ESRRG: variants seen among roughly 807,000 people sequenced by gnomAD.
The protein encoded by ESRRG is estrogen related receptor gamma, also known as estrogen-related receptor gamma.
In ESRRG, 13 loss-of-function variants were observed where a neutral mutation model predicts 44.0. The ratio of observed to expected loss-of-function variants is 0.30; its 90% CI spans 0.19 to 0.47. The LOEUF is 0.47. Ranked by LOEUF, ESRRG falls within the 20% of genes least tolerant of loss-of-function variation. ESRRG has a pLI of 1.00. For missense variants in ESRRG, 395 were observed against 580.6 expected (o/e 0.68, Z 3.29); for synonymous variants, 215 against 214.6 (o/e 1.00, Z -0.02).
chr1:216,507,738 A>G (rs2041583766), intron 6 of ESRRG, among the ~76,000 whole-genome samples: 1 of 152,198 alleles, frequency 6.6e-6, no homozygotes. Context: ...AGGATGTTTA[A>G]TGTTCTAGTA....
chr1:216,728,041 T>A (rs1575822515), upstream of ESRRG, among the ~76,000 whole-genome samples: 1 of 152,330 alleles, frequency 6.6e-6, no homozygotes, highest in South Asian at 2.1e-4. Flanking sequence ...AATTATAAAC[T>A]ACAGTAGCTC....
At chr1:217,008,569 T>A (rs1470011481) in intron 1 of ESRRG, among the ~76,000 whole-genome samples, 1 of 152,188 alleles carries the variant, frequency 6.6e-6, no homozygotes, top group Non-Finnish European at 1.5e-5. Flanking sequence ...TGAGAACTCT[T>A]GGAGTAGAGA....
intron 3 of ESRRG, among the ~76,000 whole-genome samples, chr1:216,583,838 G>A: frequency 6.6e-6 from 1 of 152,156 alleles, no homozygotes; most frequent in Non-Finnish European, 1.5e-5. Flanking sequence ...ATGGCAGCAG[G>A]CAAAGAGAGA....
intron 3 of ESRRG, among the ~76,000 whole-genome samples, chr1:216,581,635 AAG>A (rs112365344): frequency 4.0e-5 from 6 of 150,162 alleles, no homozygotes; most frequent in African/African-American, 4.9e-5. Flanking sequence ...TGTTTAAATA[AAG>A]AGAGAGAGAG....
chr1:217,011,168 C>T lies in ESRRG; in HGVS notation c.-105-71495G>A, dbSNP rs114365203. Among the ~76,000 whole-genome samples, 767 of 152,258 alleles carry T rather than the reference C, an allele frequency of 5.0e-3. 8 individuals carry two copies. The highest frequency in any genetic ancestry group is 0.017 in the African/African-American group (721 of 41,540). ...TTATAAATAACTCATTTCCCAGCTGCGTACACACTCTACAGAAAAAATGAC... is the reference window on the plus strand; with the variant it reads ...TTATAAATAACTCATTTCCCAGCTGTGTACACACTCTACAGAAAAAATGAC... On this transcript the variant is annotated intron_variant, in intron 1 of 7. Transcript: ENST00000359162.
At chr1:217,100,155 A>G (rs2092488122) in intron 1 of ESRRG, among the ~76,000 whole-genome samples, 1 of 152,234 alleles carries the variant, frequency 6.6e-6, no homozygotes, top group Non-Finnish European at 1.5e-5. Flanking sequence ...CATTCTGGGA[A>G]TTCCTCTTTT....
chr1:216,559,915 G>T (rs2058383466), intron 5 of ESRRG, among the ~76,000 whole-genome samples: 1 of 152,096 alleles, frequency 6.6e-6, no homozygotes, highest in Non-Finnish European at 1.5e-5. Flanking sequence ...TACCCTAAAT[G>T]TAGAAACAGT....
At chr1:216,611,811 G>A (rs923686152) in intron 3 of ESRRG, among the ~76,000 whole-genome samples, 3 of 152,124 alleles carry the variant, frequency 2.0e-5, no homozygotes, top group Non-Finnish European at 2.9e-5. Flanking sequence ...TTCTTCCTGA[G>A]GATTCACAAA....
intron 2 of ESRRG, among the ~76,000 whole-genome samples, chr1:216,668,899 T>C (rs1329190660): frequency 6.6e-6 from 1 of 152,228 alleles, no homozygotes; most frequent in Non-Finnish European, 1.5e-5. Context: ...TGGGTTTCAA[T>C]TTTATAAATG....
chr1:216,891,328 T>C (rs1388254042), intron 2 of ESRRG, among the ~76,000 whole-genome samples: 1 of 152,196 alleles, frequency 6.6e-6, no homozygotes, highest in Non-Finnish European at 1.5e-5. Flanking sequence ...TTACAATCAA[T>C]CCTGTGGCTG....
intron 1 of ESRRG, among the ~76,000 whole-genome samples, chr1:217,113,521 A>G (rs1197899619): frequency 1.3e-5 from 2 of 152,210 alleles, no homozygotes; most frequent in South Asian, 2.1e-4. Flanking sequence ...CCATCCACAT[A>G]TGGACATGAT....
intron 5 of ESRRG, among the ~76,000 whole-genome samples, chr1:216,549,036 G>A (rs2055433910): frequency 6.6e-6 from 1 of 152,068 alleles, no homozygotes; most frequent in South Asian, 2.1e-4. Flanking sequence ...TATAGAACAT[G>A]ACAAATCTGT....
intron 5 of ESRRG, among the ~76,000 whole-genome samples, chr1:216,547,895 T>C (rs550733056): frequency 4.0e-4 from 61 of 152,146 alleles, no homozygotes; most frequent in African/African-American, 1.3e-3. Context: ...GTATGTAAAT[T>C]GGTTAGAGAG....
intron 2 of ESRRG, among the ~76,000 whole-genome samples, chr1:216,927,469 C>A (rs970086270): frequency 6.6e-6 from 1 of 152,128 alleles, no homozygotes; most frequent in Admixed American, 6.5e-5. Context: ...AAGGATGGAT[C>A]CAAGGGGCTG....
intron 5 of ESRRG, among the ~76,000 whole-genome samples, chr1:216,549,172 A>T (rs1426897886): frequency 1.3e-5 from 2 of 152,162 alleles, no homozygotes; most frequent in African/African-American, 4.8e-5. Flanking sequence ...AAGGCAAATA[A>T]CTTTTACAGA....
intron 3 of ESRRG, among the ~76,000 whole-genome samples, chr1:216,610,669 A>G (rs1411288961): frequency 6.6e-6 from 1 of 151,932 alleles, no homozygotes; most frequent in Non-Finnish European, 1.5e-5. Flanking sequence ...GCTACCAAGA[A>G]AAAAATTGTG....
chr1:216,561,136 A>AT (rs530973400), intron 5 of ESRRG, among the ~76,000 whole-genome samples: 79 of 152,254 alleles, frequency 5.2e-4, no homozygotes, highest in African/African-American at 1.7e-3. Context: ...CTATTTACTG[A>AT]TAAAAAAAAC....
chr1:216,757,835 C>T (rs2092545403), intron 2 of ESRRG, among the ~76,000 whole-genome samples: 1 of 151,994 alleles, frequency 6.6e-6, no homozygotes, highest in Non-Finnish European at 1.5e-5. Context: ...AATGACTGAA[C>T]CCAAATCAAA....
At chr1:216,894,544 C>T (rs2818742) in intron 2 of ESRRG, among the ~76,000 whole-genome samples, 110,918 of 152,030 alleles carry the variant, frequency 0.73, 41,317 homozygotes, top group East Asian at 0.92. Context: ...TTATTAAGTT[C>T]GTTGTCTTTA....
Sources: gnomAD v4.1 joint callset for allele counts (sites outside exome capture counted in the v4.1 genomes callset) on GRCh38, gnomAD v4.1.1 for gene constraint, MANE v1.5 for transcripts, NCBI Gene and HGNC (gene_info 2026-07-23, HGNC 2026-07-21) for gene names.